The following AJAP1 variants were observed in gnomAD, a reference collection of about 807,000 sequenced individuals.
AJAP1 encodes adherens junctions associated protein 1, also known as adherens junction-associated protein 1.
In AJAP1, 5 loss-of-function variants were observed where a neutral mutation model predicts 35.0. The ratio of observed to expected loss-of-function variants is 0.14; its 90% CI spans 0.07 to 0.30. AJAP1 has a LOEUF of 0.30. Ranked by LOEUF, AJAP1 falls within the 10% of genes least tolerant of loss-of-function variation. The probability of loss-of-function intolerance (pLI) is 1.00; values close to 1 mark genes in which losing one functional copy is unlikely to be tolerated. For synonymous variants in AJAP1, 284 were observed against 249.3 expected (o/e 1.14, Z -1.31); for missense variants, 586 against 571.0 (o/e 1.03, Z -0.27).
chr1:4,725,685 A>G (rs1640638927), intron 2 of AJAP1, among the ~76,000 whole-genome samples: 1 of 151,956 alleles, frequency 6.6e-6, no homozygotes, highest in South Asian at 2.1e-4. Context: ...GGCACAAACA[A>G]TCAAAATATG....
Position 4,712,498 on chromosome 1 carries a change from C to G in AJAP1, c.628C>G (p.Gln210Glu). ...CGGCCCCACCACGGTCTCCATCCTA[C>G]AAACACGGAAGACAACTGTGGCCGC... is the stretch of plus-strand genomic sequence containing the variant. ...VYGPTTVSILQTRKTTVAATT... is the reference protein window; with the variant it reads ...VYGPTTVSILETRKTTVAATT... The change falls in exon 2 of 6, where the codon CAA becomes GAA. Residue 210 changes from glutamine (Q) to glutamate (E), a missense_variant. Coordinates refer to ENST00000378191, the MANE Select transcript of AJAP1 (RefSeq NM_018836.4). 6.2e-7 allele frequency: 1 copy of G among 1,612,932 alleles called. No individual in the cohort carries two copies.
At chr1:4,694,060 C>T (rs1031018761) in intron 1 of AJAP1, among the ~76,000 whole-genome samples, 4 of 152,226 alleles carry the variant, frequency 2.6e-5, no homozygotes, top group African/African-American at 9.6e-5. Flanking sequence ...GCTGCCCCTG[C>T]ACCTGCCCAG....
chr1:4,700,773 C>T (rs1415991858), intron 1 of AJAP1, among the ~76,000 whole-genome samples: 3 of 152,186 alleles, frequency 2.0e-5, no homozygotes, highest in Non-Finnish European at 2.9e-5. Flanking sequence ...CTGCACTGCT[C>T]ACATCCTGAG....
rs1235828874 is a variant in AJAP1, at chr1:4,655,497, T to C, written c.29+43T>C. On this transcript the variant is annotated intron_variant, in intron 1 of 5. Coordinates refer to ENST00000378191, the MANE Select transcript of AJAP1 (RefSeq NM_018836.4). This position sits in a 1 kb window ranked among gnomAD's most constrained non-coding sequence, Gnocchi z 6.9. ...CGCCGGGTGCGTGTGGGCGCGTGGG[T>C]GCCAGGCTGGGCGGAAGCGGCGCTT... The C allele has an allele frequency of 6.4e-7, 1 of 1,553,240 alleles. No homozygotes were observed. Among genetic ancestry groups the C allele is most frequent in the African/African-American group, 1.4e-5 (1 of 70,694 alleles).
At chr1:4,694,391 C>T (rs1639811920) in intron 1 of AJAP1, among the ~76,000 whole-genome samples, 3 of 152,298 alleles carry the variant, frequency 2.0e-5, no homozygotes, top group South Asian at 4.1e-4. Flanking sequence ...TGAGGCTTGG[C>T]GTGGCCATGT....
At chr1:4,752,320 A>G (rs1641338051) in intron 2 of AJAP1, among the ~76,000 whole-genome samples, 1 of 152,004 alleles carries the variant, frequency 6.6e-6, no homozygotes, top group Non-Finnish European at 1.5e-5. Flanking sequence ...TCCCCAGGAA[A>G]GATGTCCAGT....
At chr1:4,697,471 C>A (rs909003931) in intron 1 of AJAP1, among the ~76,000 whole-genome samples, 1 of 152,248 alleles carries the variant, frequency 6.6e-6, no homozygotes, top group Non-Finnish European at 1.5e-5. Context: ...TGGGAAAATG[C>A]TGATGGTGGC....
intron 1 of AJAP1, among the ~76,000 whole-genome samples, chr1:4,690,525 C>T (rs969275540): frequency 5.9e-5 from 9 of 152,192 alleles, no homozygotes; most frequent in South Asian, 4.1e-4. Flanking sequence ...CTGCTTTCTG[C>T]GCCTCTTGGC....
At chr1:4,690,642 T>C (rs1171567722) in intron 1 of AJAP1, among the ~76,000 whole-genome samples, 1 of 152,226 alleles carries the variant, frequency 6.6e-6, no homozygotes, top group African/African-American at 2.4e-5. Flanking sequence ...TTATTTCATC[T>C]GATCCTCTCC....
In AJAP1 at chr1:4,754,856, C is replaced by G. The variant is rs1324888042; in HGVS notation, c.830-14997C>G. On this transcript the variant is annotated intron_variant, in intron 2 of 5. Coordinates refer to ENST00000378191, the MANE Select transcript of AJAP1 (RefSeq NM_018836.4). ...CCCTTGGGTCCTCCTTCCTGCTCTC[C>G]CCTCATCTCAACCTGGGGCATTTGT... 2.8e-5 allele frequency among the ~76,000 whole-genome samples: 4 copies of G among 141,606 alleles called. No individual in the cohort carries two copies. The South Asian group carries it at 8.8e-4, about 31-fold the overall frequency. The allele number at this position is 141,606 out of a possible 152,430, so 92.9% of individuals were successfully genotyped here.
At chr1:4,738,080 A>G (rs1640972532) in intron 2 of AJAP1, among the ~76,000 whole-genome samples, 1 of 152,234 alleles carries the variant, frequency 6.6e-6, no homozygotes, top group South Asian at 2.1e-4. Context: ...GGTACTGAGT[A>G]CAAATTTTAC....
At chr1:4,711,162 G>T (rs1640223605) in intron 1 of AJAP1, 1 of 152,284 alleles carries the variant, frequency 6.6e-6, no homozygotes, top group African/African-American at 2.4e-5. Context: ...TCATTTCCCT[G>T]AGTACGATCC....
At chr1:4,757,108 C>T (rs1234504793) in intron 2 of AJAP1, among the ~76,000 whole-genome samples, 1 of 152,196 alleles carries the variant, frequency 6.6e-6, no homozygotes. Context: ...GGGAGGATTT[C>T]ATGTGGCTCC....
At chr1:4,676,127 C>T (rs1233798738) in intron 1 of AJAP1, among the ~76,000 whole-genome samples, 3 of 152,146 alleles carry the variant, frequency 2.0e-5, no homozygotes, top group African/African-American at 4.8e-5. Flanking sequence ...AGAGGATCCC[C>T]GGCGAGTTCA....
intron 1 of AJAP1, among the ~76,000 whole-genome samples, chr1:4,683,273 G>C (rs1350827202): frequency 6.6e-6 from 1 of 152,250 alleles, no homozygotes; most frequent in Non-Finnish European, 1.5e-5. Flanking sequence ...GGCCTGCCCA[G>C]AGTGCCCAGG....
chr1:4,678,766 C>T (rs1639413645), intron 1 of AJAP1, among the ~76,000 whole-genome samples: 1 of 152,332 alleles, frequency 6.6e-6, no homozygotes. Context: ...GGTGGGGACC[C>T]TGCCTGCCTC....
chr1:4,752,067 T>G (rs1391128725), intron 2 of AJAP1, among the ~76,000 whole-genome samples: 3 of 150,936 alleles, frequency 2.0e-5, no homozygotes, highest in Non-Finnish European at 4.4e-5. Context: ...AGGGCTCAGG[T>G]GGGCGGAGGA....
intron 2 of AJAP1, among the ~76,000 whole-genome samples, chr1:4,752,217 CA>C (rs748569577): frequency 7.4e-5 from 11 of 148,458 alleles, no homozygotes; most frequent in African/African-American, 2.0e-4. Context: ...GGAGGAGGGA[CA>C]GGGGGATGAG....
At chr1:4,771,791 G>A (rs562015304) in intron 3 of AJAP1, among the ~76,000 whole-genome samples, 62 of 152,226 alleles carry the variant, frequency 4.1e-4, no homozygotes, top group Non-Finnish European at 6.2e-4. Flanking sequence ...CTGAGGACAG[G>A]GGCTTTCTCA....
Sources: gnomAD v4.1 joint callset for allele counts (sites outside exome capture counted in the v4.1 genomes callset) on GRCh38, gnomAD v4.1.1 for gene constraint, Gnocchi (gnomAD v3.1) non-coding constraint, MANE v1.5 for transcripts, NCBI Gene and HGNC (gene_info 2026-07-23, HGNC 2026-07-21) for gene names.